Variants in MED13L observed in about 807,000 individuals in gnomAD.
The protein encoded by MED13L is mediator of RNA polymerase II transcription subunit 13-like.
Under a neutral mutation model 220.9 loss-of-function variants are expected in MED13L, and 7 were observed. That is an observed-to-expected ratio of 0.03 (90% CI 0.02 to 0.06). The LOEUF (loss-of-function observed/expected upper bound fraction) is 0.06, where lower values mean the gene tolerates loss of function less well. Among genes scored for constraint, MED13L ranks in the 10% least tolerant of loss-of-function variants. The probability of loss-of-function intolerance (pLI) is 1.00; values close to 1 mark genes in which losing one functional copy is unlikely to be tolerated. For synonymous variants in MED13L, 1,011 were observed against 1,015.2 expected, an observed-to-expected ratio of 1.00 and a Z score of 0.08; for missense variants, 1,965 against 2,760.5, an observed-to-expected ratio of 0.71 and a Z score of 6.46.
intron 2 of MED13L, among the ~76,000 whole-genome samples, chr12:116,169,892 C>T (rs901714828): frequency 6.6e-6 from 1 of 152,140 alleles, no homozygotes; most frequent in African/African-American, 2.4e-5. Context: ...GGCATGCCAC[C>T]TGTGCTCCCA....
intron 2 of MED13L, among the ~76,000 whole-genome samples, chr12:116,178,802 G>A (rs922788007): frequency 2.6e-5 from 4 of 152,120 alleles, no homozygotes; most frequent in South Asian, 2.1e-4. Context: ...ATATTCATTC[G>A]CTTCTAAAAT....
chr12:115,977,018 CCAGG>C, intron 23 of MED13L, among the ~76,000 whole-genome samples: 1 of 152,232 alleles, frequency 6.6e-6, no homozygotes, highest in Non-Finnish European at 1.5e-5. Context: ...ATAAAATTAG[CCAGG>C]CATGATGGTG....
At chr12:116,272,004 C>CA (rs754424920) in intron 1 of MED13L, among the ~76,000 whole-genome samples, 12 of 151,432 alleles carry the variant, frequency 7.9e-5, no homozygotes, top group Non-Finnish European at 1.3e-4. Flanking sequence ...TCGAATGTTT[C>CA]AAAAAAAATC....
chr12:116,009,624 T>C (rs1003347037), intron 9 of MED13L, among the ~76,000 whole-genome samples: 4 of 152,200 alleles, frequency 2.6e-5, no homozygotes, highest in African/African-American at 9.6e-5. Flanking sequence ...AGTGTGGAAC[T>C]AAAACAGTAA....
chr12:116,046,972 C>CA (rs1566029163), intron 4 of MED13L, among the ~76,000 whole-genome samples: 1 of 151,450 alleles, frequency 6.6e-6, no homozygotes, highest in Non-Finnish European at 1.5e-5. Context: ...GACTCCCTCT[C>CA]AAAAAAAGAA....
intron 29 of MED13L, among the ~76,000 whole-genome samples, chr12:115,965,393 T>C (rs1876077950): frequency 6.6e-6 from 1 of 152,216 alleles, no homozygotes; most frequent in Non-Finnish European, 1.5e-5. Flanking sequence ...AGAGGTGGGA[T>C]TGCTGCCCTG....
chr12:116,247,592 G>C (rs902805325), intron 1 of MED13L, among the ~76,000 whole-genome samples: 2 of 152,074 alleles, frequency 1.3e-5, no homozygotes, highest in Non-Finnish European at 2.9e-5. Context: ...CTGCTGACGA[G>C]ACACTGGGCC....
At chr12:116,265,158 T>G (rs1872741820) in intron 1 of MED13L, among the ~76,000 whole-genome samples, 1 of 152,084 alleles carries the variant, frequency 6.6e-6, no homozygotes, top group Non-Finnish European at 1.5e-5. Context: ...TCCTTACACC[T>G]CTCCCCTTCA....
chr12:116,221,700 A>T (rs2138394859), intron 2 of MED13L, among the ~76,000 whole-genome samples: 1 of 152,338 alleles, frequency 6.6e-6, no homozygotes, highest in East Asian at 1.9e-4. Flanking sequence ...TATATCATGC[A>T]GCATGAATCT....
At chr12:116,040,149 T>C (rs965852853) in intron 4 of MED13L, among the ~76,000 whole-genome samples, 12 of 152,224 alleles carry the variant, frequency 7.9e-5, no homozygotes, top group Non-Finnish European at 1.5e-4. Flanking sequence ...GGTGTTTTTT[T>C]CCTTAATTTT....
chr12:116,043,789 G>A (rs1881673824), intron 4 of MED13L, among the ~76,000 whole-genome samples: 1 of 152,160 alleles, frequency 6.6e-6, no homozygotes, highest in South Asian at 2.1e-4. Flanking sequence ...TAAAGCAAAT[G>A]ACTTGATGAT....
At chr12:115,975,143 T>C (rs764459216) in intron 25 of MED13L, 28 bp downstream of exon 25, 2 of 1,612,934 alleles carry the variant, frequency 1.2e-6, no homozygotes, top group South Asian at 2.2e-5. Flanking sequence ...CTCTGTCTTC[T>C]GCAAATACTT....
intron 2 of MED13L, among the ~76,000 whole-genome samples, chr12:116,182,096 A>G (rs191466726): frequency 3.3e-5 from 5 of 152,062 alleles, no homozygotes; most frequent in African/African-American, 9.6e-5. Context: ...TTTCAATTCT[A>G]TTGCCAGTCA....
chr12:115,969,135 AAGAT>A (rs1302898613), intron 27 of MED13L, 38 bp from the exon 28 acceptor site: 2 of 1,597,722 alleles, frequency 1.3e-6, no homozygotes, highest in African/African-American at 1.3e-5. Context: ...AAAAATTAAA[AAGAT>A]AGTCCACATA....
chr12:116,035,675 C>G (rs1318073605), intron 4 of MED13L, among the ~76,000 whole-genome samples: 3 of 151,982 alleles, frequency 2.0e-5, no homozygotes, highest in Non-Finnish European at 4.4e-5. Context: ...ACTGCAGCCT[C>G]GACCTCCCAA....
chr12:116,124,123 CGAGAGAGAGAGAGAGA>C (rs58366115), intron 2 of MED13L, among the ~76,000 whole-genome samples: 2 of 133,516 alleles, frequency 1.5e-5, no homozygotes, highest in African/African-American at 5.3e-5. Context: ...GAGAGAAAGA[CGAGAGAGAGAGAGAGA>C]GAGAGAGAGA....
At chr12:116,143,239 T>G (rs1877225285) in intron 2 of MED13L, among the ~76,000 whole-genome samples, 1 of 150,626 alleles carries the variant, frequency 6.6e-6, no homozygotes, top group African/African-American at 2.5e-5. Flanking sequence ...CCAGGCACAG[T>G]GGCTCAGGCC....
chr12:116,065,776 G>T (rs1478968487), intron 4 of MED13L, among the ~76,000 whole-genome samples: 1 of 152,186 alleles, frequency 6.6e-6, no homozygotes, highest in Non-Finnish European at 1.5e-5. Context: ...TAAGTAGTCA[G>T]ATACATTATT....
intron 2 of MED13L, among the ~76,000 whole-genome samples, chr12:116,179,944 G>A (rs1880393980): frequency 6.6e-6 from 1 of 152,138 alleles, no homozygotes. Context: ...AAAGATTCCA[G>A]TGACATACAA....
Sources: allele counts gnomAD v4.1 joint callset (sites outside exome capture counted in the v4.1 genomes callset), GRCh38; gene constraint gnomAD v4.1.1; transcripts MANE v1.5; gene names NCBI Gene and HGNC (gene_info 2026-07-23, HGNC 2026-07-21).